Variants in TENM3 observed in about 807,000 individuals in gnomAD.
TENM3 encodes teneurin transmembrane protein 3.
TENM3 carries 63 observed loss-of-function variants against 255.1 expected under a neutral mutation model. The ratio of observed to expected loss-of-function variants is 0.25; its 90% CI spans 0.20 to 0.30. The LOEUF is 0.30. TENM3 is among the 10% of genes least tolerant of loss of function. TENM3 has a pLI of 1.00. For missense variants in TENM3, 2,929 were observed against 3,461.1 expected (o/e 0.85, Z 3.86); for synonymous variants, 1,306 against 1,322.3 (o/e 0.99, Z 0.27).
At chr4:182,341,648 A>G (rs1482651358) in intron 2 of TENM3, among the ~76,000 whole-genome samples, 3 of 152,196 alleles carry the variant, frequency 2.0e-5, no homozygotes, top group Non-Finnish European at 1.5e-5. Flanking sequence ...GTAGTAAACA[A>G]CTTGTTTAAA....
chr4:182,476,324 G>C (rs1733679744), intron 3 of TENM3, among the ~76,000 whole-genome samples: 1 of 152,176 alleles, frequency 6.6e-6, no homozygotes, highest in Admixed American at 6.5e-5. Context: ...TGTTGTGGCA[G>C]TGGTTATGTG....
At chr4:181,724,903 T>C in the TENM3 span, among the ~76,000 whole-genome samples, 1 of 152,192 alleles carries the variant, frequency 6.6e-6, no homozygotes. Flanking sequence ...AAAGGCCAGA[T>C]TGCCACCTTT....
chr4:182,203,090 G>T lies in TENM3; in HGVS notation c.-76+58336G>T, dbSNP rs1296179187. 4.6e-5 allele frequency among the ~76,000 whole-genome samples: 7 copies of T among 152,188 alleles called. No individual in the cohort carries two copies. In the South Asian group the frequency reaches 6.2e-4, roughly 14 times the overall value. On this transcript the variant is annotated intron_variant, in intron 1 of 2. Coordinates refer to the TENM3 transcript ENST00000512480. ...AAATTAGCCAGGCGTAGTGGTGGGT[G>T]CCTGTAATCCCAGCTATTCGGGAGG... is the stretch of plus-strand genomic sequence containing the variant.
chr4:181,625,948 CTG>C, the TENM3 span, among the ~76,000 whole-genome samples: 5 of 152,148 alleles, frequency 3.3e-5, no homozygotes, highest in African/African-American at 1.2e-4. Flanking sequence ...GGGATTTTTA[CTG>C]TGGACATTTA....
At chr4:181,788,959 C>T in the TENM3 span, among the ~76,000 whole-genome samples, 1 of 152,174 alleles carries the variant, frequency 6.6e-6, no homozygotes, top group African/African-American at 2.4e-5. Context: ...AAGCCACCAG[C>T]TCCATTTCTG....
intron 1 of TENM3, among the ~76,000 whole-genome samples, chr4:182,160,021 G>T (rs1423792975): frequency 7.2e-6 from 1 of 137,974 alleles, no homozygotes; most frequent in African/African-American, 2.5e-5. Context: ...TCTTTTTTTT[G>T]AGACGGAGTC....
At chr4:182,549,631 T>C (rs1192255881) in intron 3 of TENM3, among the ~76,000 whole-genome samples, 1 of 152,172 alleles carries the variant, frequency 6.6e-6, no homozygotes, top group Non-Finnish European at 1.5e-5. Flanking sequence ...CTGAGGAGCC[T>C]GCTTTTGAAG....
chr4:181,763,657 CA>C, the TENM3 span, among the ~76,000 whole-genome samples: 1 of 152,150 alleles, frequency 6.6e-6, no homozygotes, highest in African/African-American at 2.4e-5. Flanking sequence ...GTAATCACAA[CA>C]GACACTGTAT....
chr4:182,237,927 T>A (rs1756994243), intron 1 of TENM3, among the ~76,000 whole-genome samples: 1 of 152,168 alleles, frequency 6.6e-6, no homozygotes. Context: ...TTTGGAAAAT[T>A]TTCAAGTCCA....
chr4:181,521,096 C>G, the TENM3 span, among the ~76,000 whole-genome samples: 2 of 152,218 alleles, frequency 1.3e-5, no homozygotes, highest in Non-Finnish European at 2.9e-5. Flanking sequence ...GGCTTTTTCT[C>G]TGAATACTTC....
the TENM3 span, among the ~76,000 whole-genome samples, chr4:181,636,578 C>G: frequency 6.6e-6 from 1 of 152,168 alleles, no homozygotes; most frequent in Admixed American, 6.5e-5. Context: ...CTTCCTCTCA[C>G]GTGCCCAGCC....
intron 3 of TENM3, among the ~76,000 whole-genome samples, chr4:182,410,504 C>CTT (rs1769910801): frequency 6.6e-6 from 1 of 152,186 alleles, no homozygotes; most frequent in Non-Finnish European, 1.5e-5. Context: ...GAGTAGCTCT[C>CTT]GGCTGGCAAG....
At chr4:181,503,334 C>G in the TENM3 span, among the ~76,000 whole-genome samples, 49 of 152,238 alleles carry the variant, frequency 3.2e-4, no homozygotes, top group Admixed American at 2.9e-3. Flanking sequence ...CCACTGCACT[C>G]CAGCCTAGGC....
intron 1 of TENM3, among the ~76,000 whole-genome samples, chr4:182,321,754 G>C (rs191415864): frequency 6.6e-6 from 1 of 151,958 alleles, no homozygotes; most frequent in African/African-American, 2.4e-5. Flanking sequence ...GGCCATCCTG[G>C]CTAACATGGT....
chr4:181,892,859 A>T, the TENM3 span, among the ~76,000 whole-genome samples: 4 of 152,360 alleles, frequency 2.6e-5, no homozygotes, highest in Admixed American at 2.6e-4. Flanking sequence ...TTTCTAATTT[A>T]TCATGAATAT....
intron 3 of TENM3, among the ~76,000 whole-genome samples, chr4:182,444,107 T>C (rs1245392898): frequency 1.3e-5 from 2 of 152,240 alleles, no homozygotes; most frequent in African/African-American, 4.8e-5. Flanking sequence ...TGTAGACATC[T>C]GTGAAAAATT....
chr4:181,711,118 A>G, the TENM3 span, among the ~76,000 whole-genome samples: 1 of 152,342 alleles, frequency 6.6e-6, no homozygotes, highest in African/African-American at 2.4e-5. Context: ...AATAGCTACA[A>G]ATTCACATGC....
rs191265296 is a variant in TENM3 at position 182,699,989 on chromosome 4, G to T, written c.2221+11638G>T. ...CAGAAGCCTTTTATTGAAAAGTTTAGATCCAAGGCATTTAAGAGTGAAACC... is the reference window on the plus strand; with the variant it reads ...CAGAAGCCTTTTATTGAAAAGTTTATATCCAAGGCATTTAAGAGTGAAACC... On this transcript the variant is annotated intron_variant, in intron 12 of 27. Coordinates refer to ENST00000511685, the MANE Select transcript of TENM3 (RefSeq NM_001080477.4). Among the ~76,000 whole-genome samples, 450 of 152,156 alleles carry T rather than the reference G, an allele frequency of 3.0e-3. 5 individuals carry two copies. Among genetic ancestry groups the T allele is most frequent in the African/African-American group, 0.01 (419 of 41,524 alleles).
At chr4:181,860,748 A>T in the TENM3 span, among the ~76,000 whole-genome samples, 2 of 152,216 alleles carry the variant, frequency 1.3e-5, no homozygotes, top group Non-Finnish European at 2.9e-5. Context: ...GAACTTAAAC[A>T]AAGCTGCTAA....
Sources: allele counts gnomAD v4.1 joint callset (sites outside exome capture counted in the v4.1 genomes callset), GRCh38; gene constraint gnomAD v4.1.1; transcripts MANE v1.5; gene names NCBI Gene and HGNC (gene_info 2026-07-23, HGNC 2026-07-21).